ANKRD44: variants seen among roughly 807,000 people sequenced by gnomAD.
ANKRD44 encodes serine/threonine-protein phosphatase 6 regulatory ankyrin repeat subunit B.
Under a neutral mutation model 116.0 loss-of-function variants are expected in ANKRD44, and 35 were observed. That is an observed-to-expected ratio of 0.30 (90% CI 0.23 to 0.40). ANKRD44 has a LOEUF of 0.40. Ranked by LOEUF, ANKRD44 falls within the 10% of genes least tolerant of loss-of-function variation. ANKRD44 has a pLI of 1.00. For synonymous variants in ANKRD44, 435 were observed against 461.8 expected (o/e 0.94, Z 0.74); for missense variants, 1,014 against 1,242.6 (o/e 0.82, Z 2.77).
At chr2:197,198,924 G>C (rs1267112865) in intron 1 of ANKRD44, 1 of 152,334 alleles carries the variant, frequency 6.6e-6, no homozygotes, top group African/African-American at 2.4e-5. Context: ...ACAGGACACA[G>C]GGCTCGGGAG....
Position 197,000,450 on chromosome 2 carries a change from T to G in ANKRD44, c.2488A>C (p.Ser830Arg), listed in dbSNP as rs760554431. The G allele has an allele frequency of 4.2e-5, 67 of 1,614,018 alleles. No individual in the cohort carries two copies. The Admixed American group carries it at 5.5e-4, about 13-fold the overall frequency. Residue 830 changes from serine to arginine, a missense_variant, in exon 23 of 28, where the codon AGT becomes CGT. Transcript: ENST00000282272. ...ASLLLGAIDS[S>R]IVSCRDDKGR... The stretch of plus-strand genomic sequence containing the variant: ...TTGTCATCTCTACAACTGACGATAC[T>G]GGAATCTATGGCCCCAAGCAGCAAT...
At chr2:197,035,636 G>A (rs1340654925) in intron 16 of ANKRD44, among the ~76,000 whole-genome samples, 1 of 152,104 alleles carries the variant, frequency 6.6e-6, no homozygotes, top group East Asian at 1.9e-4. Context: ...AGCAGGCCAG[G>A]GCCCCTGGAA....
intron 16 of ANKRD44, among the ~76,000 whole-genome samples, chr2:197,031,231 T>C (rs1025269636): frequency 1.3e-5 from 2 of 151,936 alleles, no homozygotes; most frequent in African/African-American, 2.4e-5. Context: ...AGCCTAGACA[T>C]AGAAATACAT....
In ANKRD44 at chr2:197,303,098, T is replaced by C. The variant is rs13432156; in HGVS notation, c.27+7480A>G. On this transcript the variant is annotated intron_variant, in intron 1 of 27. Transcript: ENST00000282272. ...TCCTGGAGATGCCAGAAGACAAACTTCTTGGAGAAAGGACTCCTCACCCTT... is the reference window on the plus strand; with the variant it reads ...TCCTGGAGATGCCAGAAGACAAACTCCTTGGAGAAAGGACTCCTCACCCTT... 7.5e-3 allele frequency among the ~76,000 whole-genome samples: 1,147 copies of C among 152,294 alleles called. 21 individuals are homozygous for C. The highest frequency in any genetic ancestry group is 0.026 in the African/African-American group (1,082 of 41,558).
At chr2:196,995,304 C>T (rs536587234) in intron 26 of ANKRD44, 75 bp downstream of exon 26, 2 of 1,071,870 alleles carry the variant, frequency 1.9e-6, no homozygotes, top group South Asian at 1.6e-5. Context: ...GTCTGGCACA[C>T]AGCAGGCTCT....
At chr2:197,166,625 T>A (rs1178310453) in intron 2 of ANKRD44, among the ~76,000 whole-genome samples, 2 of 152,208 alleles carry the variant, frequency 1.3e-5, no homozygotes, top group East Asian at 3.8e-4. Context: ...TTTAAACATA[T>A]GCCAGAACCT....
At chr2:197,058,324 T>C (rs745560346) in intron 16 of ANKRD44, among the ~76,000 whole-genome samples, 3 of 152,022 alleles carry the variant, frequency 2.0e-5, no homozygotes, top group Non-Finnish European at 4.4e-5. Context: ...TCAATATTGC[T>C]TGAAGTTAGA....
intron 10 of ANKRD44, among the ~76,000 whole-genome samples, chr2:197,097,087 C>T (rs2078178005): frequency 6.6e-6 from 1 of 152,154 alleles, no homozygotes; most frequent in Non-Finnish European, 1.5e-5. Context: ...ATTTTTAAGG[C>T]ACTTTTGCTA....
At chr2:197,238,199 A>G (rs1324310565) in intron 1 of ANKRD44, among the ~76,000 whole-genome samples, 4 of 152,224 alleles carry the variant, frequency 2.6e-5, no homozygotes, top group African/African-American at 7.2e-5. Flanking sequence ...AGCTGTGTCA[A>G]GACACAGACT....
At chr2:196,972,876 C>A (rs544515724) in intron 21 of ANKRD44, among the ~76,000 whole-genome samples, 2 of 152,262 alleles carry the variant, frequency 1.3e-5, no homozygotes, top group Non-Finnish European at 2.9e-5. Flanking sequence ...ATATTGAAAT[C>A]TTACCAGATT....
At chr2:196,990,070 T>G (rs1430479520) in intron 27 of ANKRD44, 2 of 1,010,090 alleles carry the variant, frequency 2.0e-6, no homozygotes, top group African/African-American at 3.5e-5. Context: ...AATTTTTCAA[T>G]TCATCTGGCA....
chr2:197,008,393 G>A (rs2076238415), intron 19 of ANKRD44, among the ~76,000 whole-genome samples: 1 of 152,238 alleles, frequency 6.6e-6, no homozygotes, highest in Admixed American at 6.5e-5. Context: ...GTGTTGTGAT[G>A]CAAGAGGGAG....
At chr2:197,291,133 CAGG>C (rs2083558218) in intron 1 of ANKRD44, among the ~76,000 whole-genome samples, 1 of 152,142 alleles carries the variant, frequency 6.6e-6, no homozygotes, top group Non-Finnish European at 1.5e-5. Flanking sequence ...CACTTGAGCC[CAGG>C]AGTTCCAGGC....
chr2:197,133,235 G>C (rs920053219), intron 4 of ANKRD44, among the ~76,000 whole-genome samples: 27 of 152,172 alleles, frequency 1.8e-4, no homozygotes, highest in Non-Finnish European at 4.4e-5. Flanking sequence ...AACTCCTTCT[G>C]CAAGTCACCC....
intron 14 of ANKRD44, 66 bp from the exon 15 acceptor site, chr2:197,081,791 G>A: frequency 7.7e-7 from 1 of 1,302,654 alleles, no homozygotes; most frequent in Non-Finnish European, 1.1e-6. Flanking sequence ...GCTGTTAATG[G>A]TTTTGGTGCA....
chr2:197,045,720 T>A (rs1423309867), intron 16 of ANKRD44, among the ~76,000 whole-genome samples: 2 of 152,222 alleles, frequency 1.3e-5, no homozygotes, highest in Admixed American at 1.3e-4. Context: ...GACAAATGTT[T>A]TCTTTTCCAT....
At chr2:197,282,303 A>G (rs1487509477) in intron 1 of ANKRD44, among the ~76,000 whole-genome samples, 2 of 151,528 alleles carry the variant, frequency 1.3e-5, no homozygotes, top group Non-Finnish European at 2.9e-5. Context: ...TTTTGCCATT[A>G]TGTTTTCTTT....
intron 21 of ANKRD44, among the ~76,000 whole-genome samples, chr2:196,976,352 T>C (rs1419277772): frequency 6.6e-6 from 1 of 152,058 alleles, no homozygotes; most frequent in Non-Finnish European, 1.5e-5. Context: ...TTATATTTAA[T>C]AGTGGGAGAC....
intron 1 of ANKRD44, among the ~76,000 whole-genome samples, chr2:197,217,808 T>C (rs556036187): frequency 6.6e-6 from 1 of 152,310 alleles, no homozygotes; most frequent in Non-Finnish European, 1.5e-5. Flanking sequence ...AAGGTATGTA[T>C]TTTTGTAGGT....
Sources: gnomAD v4.1 joint callset for allele counts (sites outside exome capture counted in the v4.1 genomes callset) on GRCh38, gnomAD v4.1.1 for gene constraint, MANE v1.5 for transcripts, NCBI Gene and HGNC (gene_info 2026-07-23, HGNC 2026-07-21) for gene names.